Variants in MYLK observed in about 807,000 individuals in gnomAD.
The protein encoded by MYLK is myosin light chain kinase.
MYLK carries 106 observed loss-of-function variants against 203.4 expected under a neutral mutation model. That is an observed-to-expected ratio of 0.52 (90% CI 0.45 to 0.61). The LOEUF (loss-of-function observed/expected upper bound fraction) is 0.61. MYLK is among the 20% of genes least tolerant of loss of function. The pLI is 0.00. For synonymous variants in MYLK, 867 were observed against 959.5 expected, an observed-to-expected ratio of 0.90 and a Z score of 1.78; for missense variants, 2,072 against 2,442.3, an observed-to-expected ratio of 0.85 and a Z score of 3.20.
chr3:123,651,367 G>A (rs1443007358), intron 24 of MYLK, among the ~76,000 whole-genome samples: 3 of 152,046 alleles, frequency 2.0e-5, no homozygotes, highest in African/African-American at 7.2e-5. Flanking sequence ...TTATAAACAG[G>A]GTTTTAAGAG....
chr3:123,873,349 T>C (rs935581469), intron 2 of MYLK, among the ~76,000 whole-genome samples: 1 of 152,114 alleles, frequency 6.6e-6, no homozygotes, highest in Non-Finnish European at 1.5e-5. Flanking sequence ...TACAAGATGA[T>C]AGAAGACTCA....
At chr3:123,821,804 A>T (rs993122344) in intron 3 of MYLK, among the ~76,000 whole-genome samples, 10 of 152,176 alleles carry the variant, frequency 6.6e-5, no homozygotes, top group African/African-American at 2.4e-4. Context: ...CAGAAAACCC[A>T]ACCCTTTACC....
chr3:123,622,303 G>A (rs1464348879), intron 31 of MYLK: 1 of 152,242 alleles, frequency 6.6e-6, no homozygotes, highest in Non-Finnish European at 1.5e-5. Flanking sequence ...CTAATTGCTG[G>A]GAGACCTTGT....
chr3:123,675,031 C>A (rs2060029327), intron 20 of MYLK, among the ~76,000 whole-genome samples: 3 of 152,246 alleles, frequency 2.0e-5, no homozygotes, highest in African/African-American at 7.2e-5. Context: ...ATGAGTGAAA[C>A]CCTCAAGGAT....
intron 9 of MYLK, 136 bp downstream of exon 9, chr3:123,735,262 A>C (rs971773600): frequency 8.1e-7 from 1 of 1,229,942 alleles, no homozygotes; most frequent in South Asian, 1.2e-5. Context: ...CAAAACACCC[A>C]AAATAAAACA....
At position 123,638,731 on chromosome 3, in the gene MYLK, C is replaced by T. The variant is rs529476112; in HGVS notation, c.4838-537G>A. 2.3e-5 allele frequency: 23 copies of T among 985,050 alleles called. No individual in the cohort carries two copies. The South Asian group carries it at 9.4e-4, about 40-fold the overall frequency. 61.0% of individuals were successfully genotyped at this position (985,050 alleles called of 1,614,324 possible). A position where few individuals can be genotyped will look rare whatever the true frequency, so the allele number is the denominator to read the frequency against. On this transcript the variant is annotated intron_variant, in intron 28 of 33. Coordinates refer to ENST00000360304, the MANE Select transcript of MYLK (RefSeq NM_053025.4). ...TCCAACTCCTGAGCCATGCTTACCA[C>T]CGTTCCTCCCTCCTGCCTCTCCTAC... is the stretch of plus-strand genomic sequence containing the variant.
chr3:123,816,155 C>T (rs767425422), intron 3 of MYLK, among the ~76,000 whole-genome samples: 3 of 152,258 alleles, frequency 2.0e-5, no homozygotes, highest in Non-Finnish European at 2.9e-5. Context: ...CATCAGTATG[C>T]ATTGATGGCA....
At position 123,741,788 on chromosome 3, in the gene MYLK, C is replaced by A. The variant is rs79125921; in HGVS notation, c.374-1787G>T. 5.1e-4 allele frequency among the ~76,000 whole-genome samples: 78 copies of A among 152,300 alleles called. No homozygotes were observed. The East Asian group carries it at 0.015, about 29-fold the overall frequency. On this transcript the variant is annotated intron_variant, in intron 5 of 33. Coordinates refer to ENST00000360304, the MANE Select transcript of MYLK (RefSeq NM_053025.4). ...AAAATAAGTAGTCAGGTAAAATGTA[C>A]AATTAGACATCTTATTCTGCCATTA...
chr3:123,682,681 A>T (rs1323277687), intron 19 of MYLK, among the ~76,000 whole-genome samples: 1 of 152,244 alleles, frequency 6.6e-6, no homozygotes, highest in East Asian at 1.9e-4. Context: ...CATGCTAGAA[A>T]TCTTGGGTCT....
chr3:123,659,720 G>A (rs565419788), intron 23 of MYLK: 7 of 517,216 alleles, frequency 1.4e-5, no homozygotes, highest in South Asian at 4.2e-5. Context: ...AGAACAGGGA[G>A]CTCCTGTGAG....
intron 19 of MYLK, among the ~76,000 whole-genome samples, chr3:123,683,321 A>C (rs1178996488): frequency 6.6e-6 from 1 of 152,002 alleles, no homozygotes; most frequent in East Asian, 1.9e-4. Context: ...TTTCCAGCAG[A>C]GGCTCCGCCA....
chr3:123,824,151 G>A (rs141891002), intron 3 of MYLK, among the ~76,000 whole-genome samples: 2,075 of 150,664 alleles, frequency 0.014, 46 homozygotes, highest in African/African-American at 0.047. Flanking sequence ...GTGCAATGGC[G>A]CGATCTCAGC....
chr3:123,787,678 T>G (rs1206563746), intron 4 of MYLK, among the ~76,000 whole-genome samples: 1 of 152,104 alleles, frequency 6.6e-6, no homozygotes, highest in Non-Finnish European at 1.5e-5. Flanking sequence ...AATGTTATAA[T>G]CCCTTGGAGC....
At chr3:123,639,361 G>A (rs1210826576) in intron 28 of MYLK, among the ~76,000 whole-genome samples, 6 of 152,160 alleles carry the variant, frequency 3.9e-5, no homozygotes, top group Non-Finnish European at 8.8e-5. Flanking sequence ...GACCAACACA[G>A]CCTCAGCCAG....
intron 30 of MYLK, 72 bp from the exon 31 acceptor site, chr3:123,627,013 G>A: frequency 6.3e-6 from 10 of 1,582,678 alleles, no homozygotes; most frequent in Non-Finnish European, 8.7e-6. Context: ...GTTCAGAAAT[G>A]GGAGGCCACC....
intron 19 of MYLK, among the ~76,000 whole-genome samples, chr3:123,683,308 G>T (rs1183363310): frequency 1.4e-5 from 2 of 146,188 alleles, no homozygotes; most frequent in South Asian, 2.4e-4. Context: ...TGGGTGGGGG[G>T]ACTTTCCAGC....
At chr3:123,782,577 C>A (rs956927420) in intron 4 of MYLK, among the ~76,000 whole-genome samples, 1 of 152,224 alleles carries the variant, frequency 6.6e-6, no homozygotes, top group African/African-American at 2.4e-5. Flanking sequence ...ATGAACCAGA[C>A]CTCAGTGCTA....
intron 9 of MYLK, 94 bp downstream of exon 9, chr3:123,735,304 A>T: frequency 6.5e-7 from 1 of 1,528,960 alleles, no homozygotes; most frequent in Non-Finnish European, 9.1e-7. Flanking sequence ...CTTCTGCCCC[A>T]TAAGATGATT....
chr3:123,621,260 G>A (rs2057839219), intron 31 of MYLK: 1 of 152,120 alleles, frequency 6.6e-6, no homozygotes, highest in South Asian at 2.1e-4. Flanking sequence ...AAGGTTAACA[G>A]GAATGACTAA....
Sources: gnomAD v4.1 joint callset for allele counts (sites outside exome capture counted in the v4.1 genomes callset) on GRCh38, gnomAD v4.1.1 for gene constraint, MANE v1.5 for transcripts, NCBI Gene and HGNC (gene_info 2026-07-23, HGNC 2026-07-21) for gene names.